Variants in PNMA6E observed in about 807,000 individuals in gnomAD.
PNMA6E encodes paraneoplastic antigen Ma6E.
For missense variants in PNMA6E, 78 were observed against 50.8 expected (o/e 1.53, Z -1.63); for synonymous variants, 43 against 17.1 (o/e 2.52, Z -3.74).
At position 153,397,008 on chromosome X, in the gene PNMA6E, T is replaced by A. The variant is rs2088812608; in HGVS notation, c.1842A>T (p.Lys614Asn). ...TGGTCTGGAGCCCCTCCAGTGGGGG[T>A]TTCCTGGCTTCCTGGCCTCTCACCT... ...LIQVRGQEAR[K>N]PPLEGLQTIL... The change falls in exon 2 of 2, where the codon AAA becomes AAT. Residue 614 changes from lysine to asparagine, a missense_variant. Lys to Asn is a moderately conservative substitution (Grantham distance 94, BLOSUM62 0). Coordinates refer to ENST00000445091, the MANE Select transcript of PNMA6E (RefSeq NM_001367770.1). 3.4e-6 allele frequency: 1 copy of A among 295,714 alleles called. No individual in the cohort carries two copies. Among genetic ancestry groups the A allele is most frequent in the Admixed American group, 6.1e-5 (1 of 16,357 alleles). 24.4% of individuals were successfully genotyped at this position (295,714 alleles called of 1,213,427 possible).
At chrX:153,412,988 C>G in the PNMA6E span, among the ~76,000 whole-genome samples, 1 of 111,434 alleles carries the variant, frequency 9.0e-6, no homozygotes, top group African/African-American at 3.3e-5. Flanking sequence ...GGGCCCCGGT[C>G]GACCCATGCA....
At position 153,397,399 on chromosome X, in the gene PNMA6E, A is replaced by G. The variant is rs1374058063; in HGVS notation, c.1451T>C (p.Leu484Pro). 1 of 298,151 alleles carries G rather than the reference A, an allele frequency of 3.4e-6. No homozygotes were observed. The highest frequency in any genetic ancestry group is 5.9e-6 in the Non-Finnish European group (1 of 170,453). The allele number at this position is 298,151 out of a possible 1,213,427, so 24.6% of individuals were successfully genotyped here. A position where few individuals can be genotyped will look rare whatever the true frequency, so the allele number is the denominator to read the frequency against. The change falls in exon 2 of 2, where the codon CTG (leucine) becomes CCG (proline). Residue 484 changes from leucine to proline, a missense_variant. By Grantham distance (98) the Leu-to-Pro change is moderately conservative. Coordinates refer to ENST00000445091, the MANE Select transcript of PNMA6E (RefSeq NM_001367770.1). The stretch of plus-strand genomic sequence containing the variant: ...CTCCATCTCCCGGATGAGCCGGAGC[A>G]GCCCCAGGAAGCCAGGTGGCCTCTT... ...LEKRPPGFLG[L>P]LRLIREMEAW... is the part of the protein sequence containing the mutation.
the PNMA6E span, among the ~76,000 whole-genome samples, chrX:153,408,115 A>T: frequency 2.6e-4 from 29 of 112,426 alleles, no homozygotes; most frequent in African/African-American, 9.4e-4. Context: ...AGACTGGGAG[A>T]GTCAGTGAAG....
At position 153,396,574 on chromosome X, in the gene PNMA6E, G is replaced by A. The variant is rs1198694905; in HGVS notation, c.*332C>T. On this transcript the variant is annotated 3_prime_UTR_variant, in exon 2 of 2. Transcript: ENST00000445091. ...TCTCTCCCAACTCACGGCCTGGGTT[G>A]GGGGCAGACATCTTCAGGTGCCCCC... 2.3e-5 allele frequency: 3 copies of A among 132,735 alleles called. No individual in the cohort carries two copies. Among genetic ancestry groups the A allele is most frequent in the African/African-American group, 9.4e-5 (3 of 31,861 alleles). The allele number at this position is 132,735 out of a possible 1,213,427, so 10.9% of individuals were successfully genotyped here.
At chrX:153,400,707 C>T (rs899806681) in intron 1 of PNMA6E, among the ~76,000 whole-genome samples, 10 of 110,374 alleles carry the variant, frequency 9.1e-5, no homozygotes, top group African/African-American at 3.0e-4. Context: ...CGCCAGGGGC[C>T]GTCCCCTCTC....
chrX:153,409,506 G>T, the PNMA6E span, among the ~76,000 whole-genome samples: 102 of 113,145 alleles, frequency 9.0e-4, no homozygotes, highest in African/African-American at 3.1e-3. Context: ...GTTCTTTACA[G>T]TAAAAAACTG....
rs1339297451 is a variant in PNMA6E at position 153,397,284 on chromosome X, G to A, written c.1566C>T (p.Ala522=). The A allele has an allele frequency of 6.7e-6, 2 of 296,699 alleles. No individual in the cohort carries two copies. The highest frequency in any genetic ancestry group is 2.7e-5 in the African/African-American group (1 of 36,730). 24.5% of individuals were successfully genotyped at this position (296,699 alleles called of 1,213,427 possible). ...VESEDPAAAQ[A]SPAQGNASEA... is the part of the protein sequence containing the mutation. ...CGCTGGCATTCCCCTGGGCTGGGGA[G>A]GCCTGGGCAGCAGCTGGGTCTTCAC... The change falls in exon 2 of 2, where the codon GCC becomes GCT. Residue 522 remains alanine (A), a synonymous_variant. Transcript: ENST00000445091.
At chrX:153,412,803 C>A in the PNMA6E span, among the ~76,000 whole-genome samples, 1 of 111,538 alleles carries the variant, frequency 9.0e-6, no homozygotes, top group Non-Finnish European at 1.9e-5. Context: ...ACGGGCATCC[C>A]AGGGATAACT....
At chrX:153,409,085 G>A in the PNMA6E span, among the ~76,000 whole-genome samples, 11 of 112,890 alleles carry the variant, frequency 9.7e-5, no homozygotes, top group African/African-American at 3.5e-4. Flanking sequence ...GGGTGCCCAC[G>A]GCACAGTGGG....
chrX:153,397,439 C>T lies in PNMA6E; in HGVS notation c.1411G>A (p.Gly471Arg). 3.4e-6 allele frequency: 1 copy of T among 298,458 alleles called. No homozygotes were observed. Among genetic ancestry groups the T allele is most frequent in the Non-Finnish European group, 5.9e-6 (1 of 170,496 alleles). 24.6% of individuals were successfully genotyped at this position (298,458 alleles called of 1,213,427 possible). The change falls in exon 2 of 2, where the codon GGG becomes AGG. Residue 471 changes from glycine to arginine, a missense_variant. Transcript: ENST00000445091. ...GGTGGCCTCTTCTCCAGCTGCATCC[C>T]TCTCAGGGTATCCTGGAGTGCCTCG... ...PSEALQDTLR[G>R]MQLEKRPPGF...
At position 153,398,437 on chromosome X, in the gene PNMA6E, G is replaced by A. The variant is rs12688022; in HGVS notation, c.413C>T (p.Ala138Val). 2.2e-5 allele frequency: 9 copies of A among 408,953 alleles called. No homozygotes were observed. The highest frequency in any genetic ancestry group is 4.2e-5 in the South Asian group (1 of 23,830). The allele number at this position is 408,953 out of a possible 1,213,427, so 33.7% of individuals were successfully genotyped here. Residue 138 changes from alanine (A) to valine (V), a missense_variant, in exon 2 of 2, where the codon GCA becomes GTA. Ala to Val is a moderately conservative substitution (Grantham distance 64, BLOSUM62 0). Transcript: ENST00000445091. ...GEAGGVGEVGAAGEAGGTGEA... is the reference protein window; with the variant it reads ...GEAGGVGEVGVAGEAGGTGEA... Reference sequence around the variant, plus strand: ...ACCTGTGCCTCCTGCCTCACCTGCTGCTCCTACCTCACCTACACCTCCTGC... The same window carrying A: ...ACCTGTGCCTCCTGCCTCACCTGCTACTCCTACCTCACCTACACCTCCTGC...
chrX:153,399,350 T>C (rs1308367201), intron 1 of PNMA6E, among the ~76,000 whole-genome samples: 1 of 110,404 alleles, frequency 9.1e-6, no homozygotes, highest in East Asian at 2.8e-4. Flanking sequence ...TTTTTGTTTG[T>C]TTGTTTGTTT....
chrX:153,409,107 C>A, the PNMA6E span, among the ~76,000 whole-genome samples: 1 of 113,003 alleles, frequency 8.8e-6, no homozygotes, highest in Non-Finnish European at 1.9e-5. Flanking sequence ...AGCACCACAG[C>A]TGTGGGAAAG....
At chrX:153,404,530 T>C (rs1382866078), upstream of PNMA6E, among the ~76,000 whole-genome samples, 1 of 111,646 alleles carries the variant, frequency 9.0e-6, no homozygotes, top group East Asian at 2.8e-4. Context: ...TGGTGGTTTG[T>C]TGTCCTAGTA....
At chrX:153,406,274 C>G (rs1556972096), upstream of PNMA6E, among the ~76,000 whole-genome samples, 3 of 112,168 alleles carry the variant, frequency 2.7e-5, no homozygotes, top group African/African-American at 9.7e-5. Flanking sequence ...ATAACAGGAA[C>G]AGACTGGCTG....
chrX:153,402,678 A>G (rs782541064), upstream of PNMA6E, among the ~76,000 whole-genome samples: 5 of 112,428 alleles, frequency 4.4e-5, no homozygotes, highest in Admixed American at 9.4e-5. Context: ...TCTTTTCCTT[A>G]AGATCGAAAG....
the PNMA6E span, among the ~76,000 whole-genome samples, chrX:153,406,988 T>A: frequency 8.9e-6 from 1 of 112,317 alleles, no homozygotes; most frequent in East Asian, 2.8e-4. Flanking sequence ...GACACAGGCG[T>A]GTTCCATTCA....
the PNMA6E span, among the ~76,000 whole-genome samples, chrX:153,409,620 G>A: frequency 0.31 from 34,348 of 112,422 alleles, 4,573 homozygotes; most frequent in Non-Finnish European, 0.42. Context: ...CCGCGCTGCC[G>A]CCTCCACCAC....
In PNMA6E at chrX:153,395,696, G is replaced by C. The variant is rs2088795573; in HGVS notation, c.*1210C>G. 1 of 112,542 alleles carries C rather than the reference G, an allele frequency of 8.9e-6. No homozygotes were observed. The allele number at this position is 112,542 out of a possible 1,213,427, so 9.3% of individuals were successfully genotyped here. ...CATATACTGAAACTATTGAAGAGAAGGAAACCACAATACAGAGAGAAACTG... is the reference window on the plus strand; with the variant it reads ...CATATACTGAAACTATTGAAGAGAACGAAACCACAATACAGAGAGAAACTG... On this transcript the variant is annotated 3_prime_UTR_variant, in exon 2 of 2. Transcript: ENST00000445091.
Sources: allele counts gnomAD v4.1 joint callset (sites outside exome capture counted in the v4.1 genomes callset), GRCh38; gene constraint gnomAD v4.1.1; transcripts MANE v1.5; gene names NCBI Gene and HGNC (gene_info 2026-07-23, HGNC 2026-07-21).